Variants in CAB39L observed in about 807,000 individuals in gnomAD.
The protein encoded by CAB39L is calcium-binding protein 39-like.
A neutral mutation model predicts 39.1 loss-of-function variants in CAB39L; 23 were observed. The ratio of observed to expected loss-of-function variants is 0.59; its 90% CI spans 0.42 to 0.83. The LOEUF is 0.83. Among genes scored for constraint, CAB39L ranks in the 40% least tolerant of loss-of-function variants. The pLI, the probability that CAB39L is intolerant of heterozygous loss-of-function variation, is 0.00. For synonymous variants in CAB39L, 126 were observed against 137.2 expected (o/e 0.92, Z 0.57); for missense variants, 366 against 391.9 (o/e 0.93, Z 0.56).
At chr13:49,329,600 G>A (rs1227042770) in intron 10 of CAB39L, among the ~76,000 whole-genome samples, 26 of 114,248 alleles carry the variant, frequency 2.3e-4, no homozygotes, top group African/African-American at 3.8e-4. Flanking sequence ...TATATATAAT[G>A]ATGTAATAAA....
At chr13:49,419,063 G>T (rs562486085) in intron 3 of CAB39L, among the ~76,000 whole-genome samples, 1 of 152,148 alleles carries the variant, frequency 6.6e-6, no homozygotes, top group South Asian at 2.1e-4. Context: ...TCCCTCCCAG[G>T]TTCAAGTGAT....
At chr13:49,394,475 T>C (rs747814828) in intron 3 of CAB39L, among the ~76,000 whole-genome samples, 14 of 152,084 alleles carry the variant, frequency 9.2e-5, no homozygotes, top group Non-Finnish European at 2.9e-5. Flanking sequence ...AATATGAATC[T>C]AGAACCTTAA....
At position 49,425,441 on chromosome 13, in the gene CAB39L, G is replaced by A. The variant is rs1463826940; in HGVS notation, c.-32+7877C>T. ...GAAAAATACATATGTCTATACACAC[G>A]TATATAGAGATGAGTATAAAAGTTC... On this transcript the variant is annotated intron_variant, in intron 3 of 10. Transcript: ENST00000409308. Among the ~76,000 whole-genome samples the A allele has an allele frequency of 4.6e-5, 7 of 152,064 alleles. No individual in the cohort carries two copies. In the South Asian group the frequency reaches 6.2e-4, roughly 13 times the overall value.
intron 4 of CAB39L, among the ~76,000 whole-genome samples, chr13:49,378,674 G>A (rs1181601354): frequency 1.7e-5 from 1 of 60,072 alleles, no homozygotes; most frequent in East Asian, 3.1e-4. Context: ...GAAGTGAGGA[G>A]CCCCTCTGCC....
chr13:49,433,327 T>C lies in CAB39L; in HGVS notation c.-41A>G. The stretch of plus-strand genomic sequence containing the variant: ...CATCATACTAGCTTACCTTAGAAGT[T>C]GTATATCATTTGCAAATTTGTTTGA... On this transcript the variant is annotated 5_prime_UTR_variant, in exon 3 of 11. Coordinates refer to ENST00000409308, the MANE Select transcript of CAB39L (RefSeq NM_001079670.3). 2.2e-6 allele frequency: 1 copy of C among 453,810 alleles called. No homozygotes were observed. The highest frequency in any genetic ancestry group is 2.0e-5 in the African/African-American group (1 of 50,040). The allele number at this position is 453,810 out of a possible 1,614,324, so 28.1% of individuals were successfully genotyped here. A position where few individuals can be genotyped will look rare whatever the true frequency, so the allele number is the denominator to read the frequency against.
chr13:49,414,318 A>G (rs924120397), intron 3 of CAB39L: 26 of 152,350 alleles, frequency 1.7e-4, no homozygotes, highest in African/African-American at 5.8e-4. Context: ...AGAATCTTGT[A>G]TACTGCTGAG....
intron 10 of CAB39L, among the ~76,000 whole-genome samples, chr13:49,328,126 T>C (rs1432082996): frequency 1.3e-5 from 2 of 152,196 alleles, no homozygotes; most frequent in African/African-American, 2.4e-5. Context: ...AAGAAACTGC[T>C]TAGAAATGGA....
chr13:49,342,525 C>T (rs1955035344), intron 8 of CAB39L, among the ~76,000 whole-genome samples: 1 of 152,084 alleles, frequency 6.6e-6, no homozygotes, highest in South Asian at 2.1e-4. Flanking sequence ...TAGTTAAGTG[C>T]TGCTTTAAGA....
At chr13:49,362,878 A>T (rs978558737) in intron 5 of CAB39L, among the ~76,000 whole-genome samples, 3 of 152,216 alleles carry the variant, frequency 2.0e-5, no homozygotes, top group African/African-American at 7.2e-5. Context: ...CATACAATGG[A>T]GCTGCAATAT....
At chr13:49,356,070 T>A (rs1485537646) in intron 6 of CAB39L, among the ~76,000 whole-genome samples, 2 of 152,102 alleles carry the variant, frequency 1.3e-5, no homozygotes, top group Non-Finnish European at 2.9e-5. Context: ...AATGACGGAA[T>A]CAGGCAATGT....
intron 10 of CAB39L, among the ~76,000 whole-genome samples, chr13:49,315,981 C>T (rs961061726): frequency 6.6e-6 from 1 of 150,932 alleles, no homozygotes; most frequent in African/African-American, 2.4e-5. Flanking sequence ...ACAAACTAAA[C>T]CAAAGCAACA....
At chr13:49,391,884 T>C (rs1005558694) in intron 3 of CAB39L, among the ~76,000 whole-genome samples, 7 of 151,874 alleles carry the variant, frequency 4.6e-5, no homozygotes, top group Non-Finnish European at 8.8e-5. Flanking sequence ...ATAATTACAA[T>C]ACATACAAAT....
chr13:49,419,056 C>T (rs1486165253), intron 3 of CAB39L, among the ~76,000 whole-genome samples: 3 of 152,170 alleles, frequency 2.0e-5, no homozygotes, highest in Non-Finnish European at 4.4e-5. Context: ...CCACCTCTCC[C>T]TCCCAGGTTC....
chr13:49,361,991 A>G (rs1955650848), intron 5 of CAB39L, among the ~76,000 whole-genome samples: 1 of 151,964 alleles, frequency 6.6e-6, no homozygotes. Context: ...TATTTTTTTA[A>G]ATTTCATATT....
At chr13:49,434,428 A>G (rs1483026136) in intron 1 of CAB39L, among the ~76,000 whole-genome samples, 9 of 152,232 alleles carry the variant, frequency 5.9e-5, no homozygotes, top group Non-Finnish European at 1.2e-4. Flanking sequence ...AGTGTCTACC[A>G]TATAACACAA....
intron 10 of CAB39L, among the ~76,000 whole-genome samples, chr13:49,329,558 T>TATATATATATATATATATATAAA (rs1954621505): frequency 7.5e-5 from 1 of 13,304 alleles, no homozygotes; most frequent in South Asian, 2.6e-3. Context: ...TATATATATA[T>TATATATATATATATATATATAAA]ATATATATAT....
chr13:49,368,445 C>T (rs1456379881), intron 5 of CAB39L, among the ~76,000 whole-genome samples: 1 of 152,082 alleles, frequency 6.6e-6, no homozygotes, highest in Non-Finnish European at 1.5e-5. Context: ...TTTGTCATGC[C>T]AAATCTAACT....
At chr13:49,326,444 T>C (rs33998846) in intron 10 of CAB39L, among the ~76,000 whole-genome samples, 16,379 of 152,156 alleles carry the variant, frequency 0.11, 1,267 homozygotes, top group Admixed American at 0.2. Context: ...TGCTCACCAA[T>C]AGTAGGAAGC....
intron 1 of CAB39L, among the ~76,000 whole-genome samples, chr13:49,436,111 T>C (rs1341451858): frequency 1.3e-5 from 2 of 152,248 alleles, no homozygotes; most frequent in Non-Finnish European, 2.9e-5. Flanking sequence ...AAACATGTTG[T>C]TCCATGGCTG....
Sources: gnomAD v4.1 joint callset for allele counts (sites outside exome capture counted in the v4.1 genomes callset) on GRCh38, gnomAD v4.1.1 for gene constraint, MANE v1.5 for transcripts, NCBI Gene and HGNC (gene_info 2026-07-23, HGNC 2026-07-21) for gene names.